Variants in PTGR2 observed in about 807,000 individuals in gnomAD.
PTGR2 encodes the protein 15-oxoprostaglandin 13-reductase.
Under a neutral mutation model 43.4 loss-of-function variants are expected in PTGR2, and 32 were observed. The observed-to-expected ratio is 0.74, with a 90% CI of 0.56 to 0.99. The LOEUF (loss-of-function observed/expected upper bound fraction) is 0.99. Ranked by LOEUF, PTGR2 falls within the 50% of genes least tolerant of loss-of-function variation. PTGR2 has a pLI of 0.00. For synonymous variants in PTGR2, 106 were observed against 139.2 expected, an observed-to-expected ratio of 0.76 and a Z score of 1.68; for missense variants, 373 against 420.0, an observed-to-expected ratio of 0.89 and a Z score of 0.98.
At position 73,865,631 on chromosome 14, in the gene PTGR2, T is replaced by A. The variant is rs192296439; in HGVS notation, c.156+4974T>A. Reference sequence around the variant, plus strand: ...CAATCTCAAACTCCCTGGGCTCAAGTGATTCTCCTGTCTCAGACTCCCAAG... The same window carrying A: ...CAATCTCAAACTCCCTGGGCTCAAGAGATTCTCCTGTCTCAGACTCCCAAG... On this transcript the variant is annotated intron_variant, in intron 3 of 9. Transcript: ENST00000555661. 5.3e-5 allele frequency among the ~76,000 whole-genome samples: 8 copies of A among 152,224 alleles called. No homozygotes were observed. The East Asian group carries it at 1.5e-3, about 29-fold the overall frequency.
intron 8 of PTGR2, among the ~76,000 whole-genome samples, chr14:73,881,843 G>A (rs2054997920): frequency 6.9e-6 from 1 of 145,720 alleles, no homozygotes; most frequent in Non-Finnish European, 1.5e-5. Flanking sequence ...TAGTGCAGTG[G>A]CGCAATCTCG....
chr14:73,868,977 C>T (rs993315308), intron 3 of PTGR2, among the ~76,000 whole-genome samples: 3 of 152,090 alleles, frequency 2.0e-5, no homozygotes, highest in Admixed American at 2.0e-4. Context: ...AAAACAGAGT[C>T]CCAGGTACAT....
rs776138919 is a variant in PTGR2, at chr14:73,877,178, C to G, written c.519+10C>G. 6.3e-6 allele frequency: 10 copies of G among 1,598,200 alleles called. No homozygotes were observed. In the East Asian group the frequency reaches 2.2e-4, roughly 36 times the overall value. On this transcript the variant is annotated intron_variant, in intron 5 of 9. Coordinates refer to ENST00000555661, the MANE Select transcript of PTGR2 (RefSeq NM_001146154.2). ...ATCTGTGGCTGGGCAGGTAAACTTT[C>G]TGAGAATTATTTGATTTTCTGATTA...
intron 7 of PTGR2, 31 bp from the exon 8 acceptor site, chr14:73,881,174 C>T (rs1025968034): frequency 1.5e-6 from 2 of 1,310,162 alleles, no homozygotes; most frequent in African/African-American, 2.9e-5. Flanking sequence ...GTTATATTCT[C>T]TGATCATTAT....
intron 8 of PTGR2, 70 bp from the exon 9 acceptor site, chr14:73,882,329 A>G: frequency 1.0e-6 from 1 of 957,090 alleles, no homozygotes; most frequent in Non-Finnish European, 1.6e-6. Flanking sequence ...TGGCTTTTGT[A>G]AGTATGGAAA....
chr14:73,882,711 A>G (rs1432264030), intron 9 of PTGR2, among the ~76,000 whole-genome samples: 1 of 148,374 alleles, frequency 6.7e-6, no homozygotes, highest in Non-Finnish European at 1.5e-5. Flanking sequence ...TGTCTTAGCC[A>G]GGATGGTATC....
rs967842489 is a variant in PTGR2 at position 73,884,355 on chromosome 14, T to C, written c.*178T>C. On this transcript the variant is annotated 3_prime_UTR_variant, in exon 10 of 10. Coordinates refer to ENST00000555661, the MANE Select transcript of PTGR2 (RefSeq NM_001146154.2). ...ATTAATGGATCATACACAATAGGTT[T>C]TTAAAAATTAATAACTTTTAGTAAT... 2.0e-5 allele frequency: 9 copies of C among 443,404 alleles called. No individual in the cohort carries two copies. Among genetic ancestry groups the C allele is most frequent in the Non-Finnish European group, 3.5e-5 (9 of 255,690 alleles). The allele number at this position is 443,404 out of a possible 1,614,324, so 27.5% of individuals were successfully genotyped here. A position where few individuals can be genotyped will look rare whatever the true frequency, so the allele number is the denominator to read the frequency against.
rs148168751 is a variant in PTGR2, at chr14:73,872,264, G to A, written c.157-1759G>A. ...GGTTAGGGGGCATGAAATAGGGAGC[G>A]TACTTGGTCTGAAGTTGGGATGAGC... On this transcript the variant is annotated intron_variant, in intron 3 of 9. Transcript: ENST00000555661. 2.1e-4 allele frequency among the ~76,000 whole-genome samples: 32 copies of A among 152,274 alleles called. No homozygotes were observed. In the East Asian group the frequency reaches 2.7e-3, roughly 13 times the overall value.
intron 1 of PTGR2, among the ~76,000 whole-genome samples, chr14:73,857,862 G>T (rs183301841): frequency 0.013 from 1,954 of 151,318 alleles, 59 homozygotes; most frequent in African/African-American, 0.045. Context: ...GTAGAGACGG[G>T]GTTTCACCAT....
chr14:73,881,000 G>A (rs879659427), intron 7 of PTGR2, among the ~76,000 whole-genome samples: 6 of 152,052 alleles, frequency 3.9e-5, no homozygotes, highest in Non-Finnish European at 5.9e-5. Context: ...GGGTTTCACC[G>A]TGTTGGCCAG....
At chr14:73,868,900 G>A (rs375252739) in intron 3 of PTGR2, among the ~76,000 whole-genome samples, 1 of 151,810 alleles carries the variant, frequency 6.6e-6, no homozygotes, top group Non-Finnish European at 1.5e-5. Flanking sequence ...CTCCCCTCTC[G>A]GCAACTGTAA....
intron 2 of PTGR2, among the ~76,000 whole-genome samples, chr14:73,859,749 G>T (rs1443753052): frequency 6.7e-6 from 1 of 149,502 alleles, no homozygotes; most frequent in East Asian, 1.9e-4. Context: ...GTTTAGCCGC[G>T]CTCCATCCTG....
intron 5 of PTGR2, chr14:73,878,277 T>A (rs1294834678): frequency 6.6e-6 from 1 of 152,176 alleles, no homozygotes; most frequent in Non-Finnish European, 1.5e-5. Flanking sequence ...AATAATGAAT[T>A]GCACGTGATG....
intron 4 of PTGR2, among the ~76,000 whole-genome samples, chr14:73,876,478 A>G (rs1595367770): frequency 1.2e-5 from 1 of 84,426 alleles, no homozygotes; most frequent in East Asian, 4.5e-4. Flanking sequence ...CTAAGGACAT[A>G]AGTCCTTTTT....
intron 3 of PTGR2, among the ~76,000 whole-genome samples, chr14:73,869,427 C>CACTTGAGCCCGGGAGGT (rs2054673471): frequency 6.6e-6 from 1 of 151,194 alleles, no homozygotes; most frequent in African/African-American, 2.4e-5. Context: ...GAGGCTGAGG[C>CACTTGAGCCCGGGAGGT]GGGAGGATCA....
Position 73,877,242 on chromosome 14 carries a change from A to G in PTGR2, c.519+74A>G, listed in dbSNP as rs768974674. The G allele has an allele frequency of 1.4e-4, 175 of 1,294,398 alleles. 1 individual carries two copies. The highest frequency in any genetic ancestry group is 6.7e-4 in the Admixed American group (31 of 46,140). The allele number at this position is 1,294,398 out of a possible 1,614,324, so 80.2% of individuals were successfully genotyped here. ...ATAATTCTTAATTGAAATTCCGGATATATGTATACCATTAAAAATATAAAA... is the reference window on the plus strand; with the variant it reads ...ATAATTCTTAATTGAAATTCCGGATGTATGTATACCATTAAAAATATAAAA... On this transcript the variant is annotated intron_variant, in intron 5 of 9. Transcript: ENST00000555661.
chr14:73,859,865 G>GT (rs35206130), intron 2 of PTGR2, among the ~76,000 whole-genome samples: 23,916 of 143,154 alleles, frequency 0.17, 2,253 homozygotes, highest in East Asian at 0.32. Flanking sequence ...ACTTGTGCCT[G>GT]TTTTTTTTTT....
At position 73,884,387 on chromosome 14, in the gene PTGR2, TATTA is replaced by T. The variant is rs1426450948; in HGVS notation, c.*214_*217del. 1 of 382,184 alleles carries T rather than the reference TATTA, an allele frequency of 2.6e-6. No individual in the cohort carries two copies. Among genetic ancestry groups the T allele is most frequent in the East Asian group, 4.9e-5 (1 of 20,542 alleles). The allele number at this position is 382,184 out of a possible 1,614,324, so 23.7% of individuals were successfully genotyped here. A position where few individuals can be genotyped will look rare whatever the true frequency, so the allele number is the denominator to read the frequency against. On this transcript the variant is annotated 3_prime_UTR_variant, in exon 10 of 10. Transcript: ENST00000555661. Reference sequence around the variant, plus strand: ...ATTAATAACTTTTAGTAATTACTTTTATTAATTTAAAATAGAACGCTTGAGAGGC... The same window carrying T: ...ATTAATAACTTTTAGTAATTACTTTTATTTAAAATAGAACGCTTGAGAGGC...
rs529406012 is a variant in PTGR2 at position 73,884,770 on chromosome 14, T to G, written c.*593T>G. On this transcript the variant is annotated 3_prime_UTR_variant, in exon 10 of 10. Transcript: ENST00000555661. ...GTTTTTGGGATAGGAGACCAGCGGT[T>G]TTGGGTTGGGATTAGTATGGGAAGA... 6.6e-6 allele frequency: 1 copy of G among 152,098 alleles called. No individual in the cohort carries two copies. The highest frequency in any genetic ancestry group is 1.5e-5 in the Non-Finnish European group (1 of 68,040). 9.4% of individuals were successfully genotyped at this position (152,098 alleles called of 1,614,324 possible).
Sources: gnomAD v4.1 joint callset for allele counts (sites outside exome capture counted in the v4.1 genomes callset) on GRCh38, gnomAD v4.1.1 for gene constraint, MANE v1.5 for transcripts, NCBI Gene and HGNC (gene_info 2026-07-23, HGNC 2026-07-21) for gene names.